The following HSD17B14 variants were observed in gnomAD, a reference collection of about 807,000 sequenced individuals.
HSD17B14 encodes the protein L-fucose dehydrogenase.
In HSD17B14, 32 loss-of-function variants were observed where a neutral mutation model predicts 32.2. The ratio of observed to expected loss-of-function variants is 0.99; its 90% CI spans 0.75 to 1.33. The LOEUF is 1.33. Among genes scored for constraint, HSD17B14 ranks in the 40% most tolerant of loss-of-function variants. The pLI is 0.00. For synonymous variants in HSD17B14, 140 were observed against 155.4 expected (o/e 0.90, Z 0.74); for missense variants, 370 against 366.5 (o/e 1.01, Z -0.08).
At chr19:48,813,826 G>C in intron 6 of HSD17B14, 96 bp from the exon 7 acceptor site, 1 of 1,362,270 alleles carries the variant, frequency 7.3e-7, no homozygotes, top group South Asian at 1.2e-5. Flanking sequence ...ATCAGAATGG[G>C]GAAGTCATGC....
At chr19:48,818,308 C>CAAAAAAA (rs767701282) in intron 5 of HSD17B14, among the ~76,000 whole-genome samples, 1 of 103,826 alleles carries the variant, frequency 9.6e-6, no homozygotes, top group Non-Finnish European at 1.9e-5. Context: ...AAGACTGTCT[C>CAAAAAAA]AAAAAAAAAG....
chr19:48,833,935 A>G, intron 3 of HSD17B14, among the ~76,000 whole-genome samples: 1 of 152,052 alleles, frequency 6.6e-6, no homozygotes, highest in East Asian at 1.9e-4. Flanking sequence ...GGTTGCAGTG[A>G]GCCGAGATCA....
intron 5 of HSD17B14, among the ~76,000 whole-genome samples, chr19:48,823,337 G>A (rs2035190747): frequency 6.6e-6 from 1 of 152,058 alleles, no homozygotes; most frequent in South Asian, 2.1e-4. Context: ...TTGAGCCTAG[G>A]AAGTCGGGAC....
intron 5 of HSD17B14, among the ~76,000 whole-genome samples, chr19:48,826,528 A>AAAAAAAAAAAAAATAT (rs777368104): frequency 4.3e-4 from 10 of 23,096 alleles, no homozygotes; most frequent in African/African-American, 1.2e-3. Context: ...AAAAGAAGAA[A>AAAAAAAAAAAAAATAT]ATATATATAT....
chr19:48,833,180 C>T (rs138485346), intron 3 of HSD17B14, among the ~76,000 whole-genome samples: 263 of 150,936 alleles, frequency 1.7e-3, no homozygotes, highest in African/African-American at 5.2e-3. Context: ...GAGGGGACTC[C>T]GAGATCAGCA....
intron 6 of HSD17B14, 41 bp downstream of exon 6, chr19:48,814,996 G>A: frequency 6.7e-7 from 1 of 1,492,756 alleles, no homozygotes; most frequent in Non-Finnish European, 9.3e-7. Flanking sequence ...AGGCCCATGG[G>A]AAGGAGTAGG....
intron 5 of HSD17B14, among the ~76,000 whole-genome samples, chr19:48,818,840 G>A (rs911280044): frequency 3.9e-5 from 6 of 152,178 alleles, no homozygotes; most frequent in Admixed American, 6.5e-5. Context: ...GTTCTTAAGT[G>A]CCAAGGTTCT....
At chr19:48,818,326 AAAAAAG>A (rs1240800154) in intron 5 of HSD17B14, among the ~76,000 whole-genome samples, 1 of 144,406 alleles carries the variant, frequency 6.9e-6, no homozygotes, top group East Asian at 2.0e-4. Flanking sequence ...AAGAAAAAAG[AAAAAAG>A]AAAAAGAGAA....
At chr19:48,834,849 G>A (rs866628869) in intron 2 of HSD17B14, among the ~76,000 whole-genome samples, 22 of 59,542 alleles carry the variant, frequency 3.7e-4, no homozygotes, top group African/African-American at 1.1e-3. Flanking sequence ...GTCTGAGGGA[G>A]GAGGGGCTGA....
At chr19:48,834,788 G>C (rs1437122770) in intron 2 of HSD17B14, among the ~76,000 whole-genome samples, 1 of 77,324 alleles carries the variant, frequency 1.3e-5, no homozygotes, top group Non-Finnish European at 2.6e-5. Flanking sequence ...GGGGCTGGGA[G>C]CCTGGACTCC....
At chr19:48,826,491 CAAAAA>C (rs747731627) in intron 5 of HSD17B14, among the ~76,000 whole-genome samples, 5 of 41,096 alleles carry the variant, frequency 1.2e-4, no homozygotes, top group African/African-American at 2.8e-4. Flanking sequence ...AAGATTGTCT[CAAAAA>C]AAAAAAAAAA....
At chr19:48,817,744 T>A (rs2035080726) in intron 5 of HSD17B14, among the ~76,000 whole-genome samples, 1 of 152,156 alleles carries the variant, frequency 6.6e-6, no homozygotes, top group African/African-American at 2.4e-5. Context: ...AATGAATGGG[T>A]GAATTAATGA....
chr19:48,829,241 T>G (rs1433331104), intron 5 of HSD17B14, among the ~76,000 whole-genome samples: 2 of 151,618 alleles, frequency 1.3e-5, no homozygotes, highest in Non-Finnish European at 2.9e-5. Context: ...CAGGCTGGAG[T>G]GCAGTGGCAC....
intron 5 of HSD17B14, 99 bp downstream of exon 5, chr19:48,831,569 A>C: frequency 1.1e-6 from 1 of 877,394 alleles, no homozygotes; most frequent in Non-Finnish European, 1.9e-6. Context: ...ACAAACAAAT[A>C]AAAAGAACGG....
chr19:48,822,188 T>C (rs2035165486), intron 5 of HSD17B14, among the ~76,000 whole-genome samples: 1 of 144,684 alleles, frequency 6.9e-6, no homozygotes, highest in East Asian at 2.3e-4. Context: ...ATGGTGGTAA[T>C]GATGGTGATG....
intron 2 of HSD17B14, 126 bp from the exon 3 acceptor site, chr19:48,834,484 G>C (rs1343262212): frequency 5.6e-5 from 28 of 495,670 alleles, no homozygotes; most frequent in Non-Finnish European, 9.4e-5. Context: ...GAGGGAGGAG[G>C]GGCTGAGGTC....
intron 3 of HSD17B14, among the ~76,000 whole-genome samples, chr19:48,833,902 A>G (rs2035395568): frequency 6.6e-6 from 1 of 152,078 alleles, no homozygotes; most frequent in Non-Finnish European, 1.5e-5. Flanking sequence ...AGATAGGAGA[A>G]TGGCTTGAAC....
At chr19:48,814,965 A>C (rs1446675366) in intron 6 of HSD17B14, 72 bp downstream of exon 6, 4 of 1,176,908 alleles carry the variant, frequency 3.4e-6, no homozygotes, top group Non-Finnish European at 5.1e-6. Context: ...CTGGCTCCTA[A>C]GTTGTCTGGA....
chr19:48,833,914 C>T (rs1160743065), intron 3 of HSD17B14, among the ~76,000 whole-genome samples: 3 of 150,592 alleles, frequency 2.0e-5, no homozygotes, highest in South Asian at 2.1e-4. Flanking sequence ...GGCTTGAACT[C>T]GGTAGGCTGA....
Sources: allele counts gnomAD v4.1 joint callset (sites outside exome capture counted in the v4.1 genomes callset), GRCh38; gene constraint gnomAD v4.1.1; transcripts MANE v1.5; gene names NCBI Gene and HGNC (gene_info 2026-07-23, HGNC 2026-07-21).